Variants in KCTD8 observed in about 807,000 individuals in gnomAD.
KCTD8 encodes BTB/POZ domain-containing protein KCTD8.
In KCTD8, 27 loss-of-function variants were observed where a neutral mutation model predicts 31.5. That is an observed-to-expected ratio of 0.86 (90% CI 0.63 to 1.18). The LOEUF (loss-of-function observed/expected upper bound fraction) is 1.18. Among genes scored for constraint, KCTD8 ranks in the 50% most tolerant of loss-of-function variants. KCTD8 has a pLI of 0.00. For missense variants in KCTD8, 658 were observed against 647.7 expected (o/e 1.02, Z -0.17); for synonymous variants, 290 against 280.0 (o/e 1.04, Z -0.36).
intron 1 of KCTD8, among the ~76,000 whole-genome samples, chr4:44,177,813 G>A (rs563615942): frequency 1.3e-5 from 2 of 152,218 alleles, no homozygotes; most frequent in East Asian, 3.9e-4. Context: ...AACCATTTAG[G>A]TACCATAACT....
chr4:44,357,680 C>G (rs1352723332), intron 1 of KCTD8, among the ~76,000 whole-genome samples: 1 of 152,002 alleles, frequency 6.6e-6, no homozygotes, highest in African/African-American at 2.4e-5. Flanking sequence ...ACTGTGAATA[C>G]TACATATAAT....
intron 1 of KCTD8, among the ~76,000 whole-genome samples, chr4:44,275,638 A>G (rs1486965612): frequency 6.6e-6 from 1 of 152,102 alleles, no homozygotes; most frequent in Non-Finnish European, 1.5e-5. Flanking sequence ...ACAAAGTATA[A>G]TCTTAAAATG....
chr4:44,440,237 C>T (rs907177109), intron 1 of KCTD8, among the ~76,000 whole-genome samples: 5 of 151,972 alleles, frequency 3.3e-5, no homozygotes, highest in African/African-American at 1.2e-4. Flanking sequence ...CCAGCTTCCA[C>T]CAATAATTTA....
intron 1 of KCTD8, among the ~76,000 whole-genome samples, chr4:44,316,679 G>A (rs941791299): frequency 6.6e-6 from 1 of 151,310 alleles, no homozygotes; most frequent in Non-Finnish European, 1.5e-5. Flanking sequence ...GGCCGGGCGT[G>A]GTGGCTCATG....
chr4:44,257,258 C>A (rs904968414), intron 1 of KCTD8, among the ~76,000 whole-genome samples: 1 of 151,774 alleles, frequency 6.6e-6, no homozygotes, highest in African/African-American at 2.4e-5. Flanking sequence ...TAAAATGTGA[C>A]CCTGAATGTA....
At chr4:44,383,338 C>G (rs1042114810) in intron 1 of KCTD8, among the ~76,000 whole-genome samples, 1 of 151,704 alleles carries the variant, frequency 6.6e-6, no homozygotes, top group Admixed American at 6.6e-5. Context: ...TGTATAAAAC[C>G]ACAAAAGACC....
At chr4:44,184,416 G>A (rs4694999) in intron 1 of KCTD8, among the ~76,000 whole-genome samples, 17,547 of 152,044 alleles carry the variant, frequency 0.12, 1,405 homozygotes, top group East Asian at 0.36. Flanking sequence ...ACTTTTATGA[G>A]TGAAAGAGTA....
At chr4:44,313,002 TC>T in intron 1 of KCTD8, among the ~76,000 whole-genome samples, 1 of 152,114 alleles carries the variant, frequency 6.6e-6, no homozygotes, top group South Asian at 2.1e-4. Context: ...TCATACTGTT[TC>T]CCCCCATTTT....
In KCTD8 at chr4:44,288,771, A is replaced by G. The variant is rs187639890; in HGVS notation, c.962-113521T>C. On this transcript the variant is annotated intron_variant, in intron 1 of 1. Coordinates refer to ENST00000360029, the MANE Select transcript of KCTD8 (RefSeq NM_198353.3). ...ATATGAAAAAGTATCCCATTTTCAA[A>G]ATTAATTTCTTTCTGACTACCTATC... is the stretch of plus-strand genomic sequence containing the variant. 3.9e-5 allele frequency among the ~76,000 whole-genome samples: 6 copies of G among 152,110 alleles called. No homozygotes were observed. The East Asian group carries it at 1.2e-3, about 29-fold the overall frequency.
intron 1 of KCTD8, among the ~76,000 whole-genome samples, chr4:44,206,176 A>G (rs1714299993): frequency 6.6e-6 from 1 of 152,118 alleles, no homozygotes; most frequent in South Asian, 2.1e-4. Context: ...CCTGGCTTTA[A>G]GTCTCAGATT....
At chr4:44,342,644 TCTC>T (rs1718933218) in intron 1 of KCTD8, among the ~76,000 whole-genome samples, 2 of 152,198 alleles carry the variant, frequency 1.3e-5, no homozygotes, top group Admixed American at 6.5e-5. Context: ...GGTATTTACT[TCTC>T]CTTCCTAGCT....
At chr4:44,223,366 G>A (rs149174982) in intron 1 of KCTD8, among the ~76,000 whole-genome samples, 1 of 152,182 alleles carries the variant, frequency 6.6e-6, no homozygotes, top group African/African-American at 2.4e-5. Context: ...GATACCTTTG[G>A]GACGTGTAGG....
chr4:44,209,914 A>G (rs917876970), intron 1 of KCTD8, among the ~76,000 whole-genome samples: 2 of 152,206 alleles, frequency 1.3e-5, no homozygotes, highest in Non-Finnish European at 2.9e-5. Flanking sequence ...CTAACCATAA[A>G]AAAAGCTACA....
At chr4:44,388,239 T>C (rs1720274450) in intron 1 of KCTD8, among the ~76,000 whole-genome samples, 1 of 151,836 alleles carries the variant, frequency 6.6e-6, no homozygotes, top group African/African-American at 2.4e-5. Context: ...GGAAAAGGAA[T>C]GCTTATACAC....
chr4:44,223,972 G>A, intron 1 of KCTD8, among the ~76,000 whole-genome samples: 1 of 152,172 alleles, frequency 6.6e-6, no homozygotes, highest in Non-Finnish European at 1.5e-5. Context: ...AAAGTTTGCA[G>A]ATACCTAATT....
intron 1 of KCTD8, among the ~76,000 whole-genome samples, chr4:44,283,124 A>T (rs954696316): frequency 4.0e-5 from 6 of 151,272 alleles, no homozygotes; most frequent in Non-Finnish European, 8.8e-5. Context: ...ATCTCAGCTC[A>T]CTGCAACCTC....
intron 1 of KCTD8, among the ~76,000 whole-genome samples, chr4:44,406,102 T>A (rs918113604): frequency 6.6e-5 from 10 of 152,274 alleles, no homozygotes; most frequent in African/African-American, 2.4e-4. Context: ...ACCCTTTTCC[T>A]CTTCCCACAG....
chr4:44,260,938 T>A (rs1461974165), intron 1 of KCTD8, among the ~76,000 whole-genome samples: 1 of 151,982 alleles, frequency 6.6e-6, no homozygotes, highest in Non-Finnish European at 1.5e-5. Flanking sequence ...AGCAGGGAGA[T>A]GAGCTAGAAC....
At chr4:44,178,436 T>G (rs1171293845) in intron 1 of KCTD8, among the ~76,000 whole-genome samples, 1 of 152,088 alleles carries the variant, frequency 6.6e-6, no homozygotes, top group Non-Finnish European at 1.5e-5. Flanking sequence ...AAGCATGAAA[T>G]TCAACACCCT....
Sources: allele counts gnomAD v4.1 joint callset (sites outside exome capture counted in the v4.1 genomes callset), GRCh38; gene constraint gnomAD v4.1.1; transcripts MANE v1.5; gene names NCBI Gene and HGNC (gene_info 2026-07-23, HGNC 2026-07-21).